EPHB1: variants seen among roughly 807,000 people sequenced by gnomAD.
EPHB1 encodes EPH receptor B1.
EPHB1 carries 30 observed loss-of-function variants against 94.4 expected under a neutral mutation model. That is an observed-to-expected ratio of 0.32 (90% CI 0.24 to 0.43). The LOEUF (loss-of-function observed/expected upper bound fraction) is 0.43. EPHB1 is among the 20% of genes least tolerant of loss of function. The pLI is 1.00. For synonymous variants in EPHB1, 522 were observed against 489.1 expected (o/e 1.07, Z -0.89); for missense variants, 1,055 against 1,308.3 (o/e 0.81, Z 2.99).
intron 1 of EPHB1, among the ~76,000 whole-genome samples, chr3:134,873,974 C>G (rs1485514678): frequency 1.3e-5 from 2 of 151,914 alleles, no homozygotes; most frequent in African/African-American, 2.4e-5. Context: ...CTCCTCTCCA[C>G]AAAAATGTTG....
chr3:135,059,888 A>G (rs1292484222), intron 3 of EPHB1, among the ~76,000 whole-genome samples: 1 of 152,094 alleles, frequency 6.6e-6, no homozygotes, highest in Admixed American at 6.5e-5. Flanking sequence ...AAGAGATGAG[A>G]ATCCATCTGG....
intron 10 of EPHB1, among the ~76,000 whole-genome samples, chr3:135,182,183 C>G (rs1356857118): frequency 6.6e-6 from 1 of 152,196 alleles, no homozygotes; most frequent in African/African-American, 2.4e-5. Context: ...CTGAGGCTGA[C>G]TCTTCAGTGC....
At chr3:134,803,438 C>A (rs1355700355) in intron 1 of EPHB1, among the ~76,000 whole-genome samples, 1 of 152,116 alleles carries the variant, frequency 6.6e-6, no homozygotes, top group African/African-American at 2.4e-5. Flanking sequence ...GCCATGTAAG[C>A]CTGAGGGAGC....
intron 1 of EPHB1, among the ~76,000 whole-genome samples, chr3:134,919,238 T>A (rs1203751991): frequency 1.3e-5 from 2 of 152,176 alleles, no homozygotes; most frequent in Non-Finnish European, 2.9e-5. Flanking sequence ...CAGGGAAGTT[T>A]GGAAGGGTTT....
chr3:134,868,943 G>A (rs1207898225), intron 1 of EPHB1, among the ~76,000 whole-genome samples: 1 of 152,218 alleles, frequency 6.6e-6, no homozygotes, highest in East Asian at 1.9e-4. Context: ...GGCCTGCAGG[G>A]CCTGATAAGC....
intron 1 of EPHB1, among the ~76,000 whole-genome samples, chr3:134,897,393 G>A (rs2038108051): frequency 6.6e-6 from 1 of 152,188 alleles, no homozygotes; most frequent in African/African-American, 2.4e-5. Flanking sequence ...GCCAGTGAAG[G>A]AGCGGCCCTG....
intron 4 of EPHB1, among the ~76,000 whole-genome samples, chr3:135,127,271 G>T (rs1268693239): frequency 1.3e-5 from 2 of 152,318 alleles, no homozygotes; most frequent in Non-Finnish European, 2.9e-5. Context: ...TGGGGGAAAA[G>T]CTTTGTTGCT....
rs3067407 is a variant in EPHB1, at chr3:134,958,413, A to AGTGTGTGTGTGT, written c.805+6387_805+6398dup. On this transcript the variant is annotated intron_variant, in intron 3 of 15. Coordinates refer to ENST00000398015, the MANE Select transcript of EPHB1 (RefSeq NM_004441.5). ...AAAGAGAAGGTGAGGAACACAAGGG[A>AGTGTGTGTGTGT]GTGTGTGTGTGTGTGTGTGTGTGTG... Among the ~76,000 whole-genome samples, 272 of 97,724 alleles carry AGTGTGTGTGTGT rather than the reference A, an allele frequency of 2.8e-3. 2 individuals are homozygous for AGTGTGTGTGTGT. Among genetic ancestry groups the AGTGTGTGTGTGT allele is most frequent in the South Asian group, 8.5e-3 (23 of 2,718 alleles). 64.1% of individuals were successfully genotyped at this position (97,724 alleles called of 152,430 possible). A position where few individuals can be genotyped will look rare whatever the true frequency, so the allele number is the denominator to read the frequency against.
At position 135,161,998 on chromosome 3, in the gene EPHB1, T is replaced by C. The variant is rs1378038809; in HGVS notation, c.1423-20T>C. 1.9e-6 allele frequency: 3 copies of C among 1,595,022 alleles called. No homozygotes were observed. The highest frequency in any genetic ancestry group is 2.6e-6 in the Non-Finnish European group (3 of 1,169,538). On this transcript the variant is annotated intron_variant, in intron 6 of 15. Coordinates refer to ENST00000398015, the MANE Select transcript of EPHB1 (RefSeq NM_004441.5). ...GCCTTCAGGAATGGGATAGTGACCC[T>C]TTCCCTTGCTTTCTTTTAGGAACAC... is the stretch of plus-strand genomic sequence containing the variant.
rs73218214 is a variant in EPHB1 at position 135,116,377 on chromosome 3, C to A, written c.961+9774C>A. 3.2e-3 allele frequency among the ~76,000 whole-genome samples: 484 copies of A among 152,310 alleles called. 2 individuals carry two copies. Among genetic ancestry groups the A allele is most frequent in the Admixed American group, 4.8e-3 (73 of 15,304 alleles). ...ACAAATCTGTGTACAACCTGTGCTA[C>A]CATCTTGGTCCCTAGCTTCTCACAG... is the stretch of plus-strand genomic sequence containing the variant. On this transcript the variant is annotated intron_variant, in intron 4 of 15. Coordinates refer to ENST00000398015, the MANE Select transcript of EPHB1 (RefSeq NM_004441.5).
intron 1 of EPHB1, among the ~76,000 whole-genome samples, chr3:134,871,010 G>A (rs1396230863): frequency 6.6e-6 from 1 of 152,150 alleles, no homozygotes; most frequent in Non-Finnish European, 1.5e-5. Flanking sequence ...TGCCCCTTAG[G>A]CCCCTGGAGT....
At chr3:134,871,855 G>A (rs921837853) in intron 1 of EPHB1, among the ~76,000 whole-genome samples, 2 of 152,162 alleles carry the variant, frequency 1.3e-5, no homozygotes, top group Non-Finnish European at 2.9e-5. Flanking sequence ...ATGTTCTACT[G>A]GGTTGTTCTA....
chr3:134,918,294 G>A (rs192619176), intron 1 of EPHB1, among the ~76,000 whole-genome samples: 11 of 152,266 alleles, frequency 7.2e-5, no homozygotes, highest in African/African-American at 2.6e-4. Flanking sequence ...GAAATGGGGT[G>A]CTGGAAGAAG....
intron 3 of EPHB1, among the ~76,000 whole-genome samples, chr3:135,072,931 A>G (rs548253112): frequency 5.3e-5 from 8 of 152,274 alleles, no homozygotes; most frequent in African/African-American, 1.7e-4. Context: ...CCAGTTGATC[A>G]GAGGGGGTAC....
intron 15 of EPHB1, among the ~76,000 whole-genome samples, chr3:135,251,437 G>C (rs1933093766): frequency 6.6e-6 from 1 of 151,980 alleles, no homozygotes; most frequent in South Asian, 2.1e-4. Flanking sequence ...GGATCTAAAA[G>C]AATTCTCTTA....
intron 3 of EPHB1, among the ~76,000 whole-genome samples, chr3:135,079,960 C>T (rs948557473): frequency 2.0e-5 from 3 of 152,048 alleles, no homozygotes; most frequent in Non-Finnish European, 2.9e-5. Flanking sequence ...CTTAGGAGTG[C>T]CCCTGGCTGG....
In EPHB1 at chr3:135,054,372, T is replaced by TAC. The variant is rs201668577; in HGVS notation, c.806-52075_806-52074insCA. ...CCCACACTTGCATGAGCCAATTCTT[T>TAC]ATATATATATATTCCTTTATCCAGC... On this transcript the variant is annotated intron_variant, in intron 3 of 15. Coordinates refer to ENST00000398015, the MANE Select transcript of EPHB1 (RefSeq NM_004441.5). 6.9e-3 allele frequency among the ~76,000 whole-genome samples: 1,046 copies of TAC among 151,694 alleles called. 18 individuals carry two copies. Among genetic ancestry groups the TAC allele is most frequent in the African/African-American group, 0.024 (998 of 41,404 alleles).
intron 6 of EPHB1, among the ~76,000 whole-genome samples, chr3:135,159,814 C>T (rs1403687695): frequency 2.0e-5 from 3 of 152,218 alleles, no homozygotes; most frequent in African/African-American, 7.2e-5. Flanking sequence ...CTCACAACTG[C>T]TTCTGAATCA....
At chr3:134,882,752 TTCTTCCTTC>T (rs1560280361) in intron 1 of EPHB1, among the ~76,000 whole-genome samples, 87 of 65,620 alleles carry the variant, frequency 1.3e-3, no homozygotes, top group African/African-American at 5.1e-3. Context: ...CTTTCTTCCT[TTCTTCCTTC>T]CTTCCTTTCT....
Sources: allele counts gnomAD v4.1 joint callset (sites outside exome capture counted in the v4.1 genomes callset), GRCh38; gene constraint gnomAD v4.1.1; transcripts MANE v1.5; gene names NCBI Gene and HGNC (gene_info 2026-07-23, HGNC 2026-07-21).